HECW2: variants seen among roughly 807,000 people sequenced by gnomAD.
HECW2 encodes HECT, C2 and WW domain containing E3 ubiquitin protein ligase 2, also known as E3 ubiquitin-protein ligase HECW2.
Under a neutral mutation model 175.2 loss-of-function variants are expected in HECW2, and 61 were observed. The observed-to-expected ratio is 0.35, with a 90% confidence interval of 0.28 to 0.43. HECW2 has a LOEUF of 0.43. Ranked by LOEUF, HECW2 falls within the 20% of genes least tolerant of loss-of-function variation. The pLI, the probability that HECW2 is intolerant of heterozygous loss-of-function variation, is 1.00. For missense variants in HECW2, 1,524 were observed against 2,000.5 expected, an observed-to-expected ratio of 0.76 and a Z score of 4.54; for synonymous variants, 671 against 731.0, an observed-to-expected ratio of 0.92 and a Z score of 1.32.
At chr2:196,524,898 TA>T in intron 1 of HECW2, among the ~76,000 whole-genome samples, 1 of 130,952 alleles carries the variant, frequency 7.6e-6, no homozygotes, top group Non-Finnish European at 1.6e-5. Context: ...TACTTCCAAG[TA>T]TGTGGTCAAT....
At chr2:196,485,764 C>T (rs1686980028) in intron 1 of HECW2, among the ~76,000 whole-genome samples, 1 of 151,992 alleles carries the variant, frequency 6.6e-6, no homozygotes, top group Admixed American at 6.6e-5. Context: ...GATGTATCAC[C>T]ATAAAAGCCA....
At chr2:196,388,996 G>A (rs1267747357) in intron 2 of HECW2, among the ~76,000 whole-genome samples, 1 of 152,156 alleles carries the variant, frequency 6.6e-6, no homozygotes, top group Non-Finnish European at 1.5e-5. Flanking sequence ...GTCTCTACAG[G>A]ATAGCCTTTA....
At chr2:196,300,164 C>T (rs1690989751) in intron 13 of HECW2, among the ~76,000 whole-genome samples, 1 of 32,226 alleles carries the variant, frequency 3.1e-5, no homozygotes, top group South Asian at 1.1e-3. Flanking sequence ...GTTCTGTAGG[C>T]TGTCTAGACT....
intron 2 of HECW2, among the ~76,000 whole-genome samples, chr2:196,432,538 T>C (rs753989561): frequency 6.6e-6 from 1 of 152,218 alleles, no homozygotes; most frequent in Non-Finnish European, 1.5e-5. Context: ...AAGCGTAAAT[T>C]AGCTAAACAG....
chr2:196,521,572 G>A (rs529725488), intron 1 of HECW2, among the ~76,000 whole-genome samples: 3 of 149,300 alleles, frequency 2.0e-5, no homozygotes, highest in South Asian at 4.2e-4. Flanking sequence ...ATGCTGGTGC[G>A]CTGCACCCAC....
In HECW2 at chr2:196,254,001, C is replaced by T. The variant is rs1278858255; in HGVS notation, c.3448G>A (p.Val1150Met). The change falls in exon 19 of 29, where the codon GTG becomes ATG. Residue 1150 changes from valine (V) to methionine (M), a missense_variant. By Grantham distance (21) the Val-to-Met change is conservative. Around this residue, in one of 11 missense-constraint regions of HECW2, gnomAD observed 291 missense variants for 412.2 expected, o/e 0.71. Coordinates refer to ENST00000644978, the MANE Select transcript of HECW2 (RefSeq NM_001348768.2). Reference protein sequence around the residue: ...SLFEEEIMSYVPPHALLHPSY... With the variant: ...SLFEEEIMSYMPPHALLHPSY... ...GGGTGGAGTAAGGCATGTGGAGGCA[C>T]ATACGACATTATCTCTTCTTCAAAT... is the stretch of plus-strand genomic sequence containing the variant. 3.7e-6 allele frequency: 6 copies of T among 1,613,936 alleles called. No individual in the cohort carries two copies. Among genetic ancestry groups the T allele is most frequent in the South Asian group, 1.1e-5 (1 of 91,076 alleles).
At chr2:196,523,889 T>C (rs1575634358) in intron 1 of HECW2, among the ~76,000 whole-genome samples, 1 of 152,294 alleles carries the variant, frequency 6.6e-6, no homozygotes, top group Non-Finnish European at 1.5e-5. Flanking sequence ...AGTATTTTAT[T>C]GAGGATTTCT....
In HECW2 at chr2:196,307,963, T is replaced by G; in HGVS notation, c.2557A>C (p.Ile853Leu). ...APQVLQRSNS[I>L]QQMEQLNRRY... ...CGGTTCAGCTGCTCCATTTGCTGTA[T>G]GGAGTTAGATCTCTGCAGCACCTGC... is the stretch of plus-strand genomic sequence containing the variant. Residue 853 changes from isoleucine to leucine, a missense_variant, in exon 11 of 29, where the codon ATA becomes CTA. Transcript: ENST00000644978. The G allele has an allele frequency of 6.3e-7, 1 of 1,579,462 alleles. No individual in the cohort carries two copies. Among genetic ancestry groups the G allele is most frequent in the Non-Finnish European group, 8.6e-7 (1 of 1,156,284 alleles).
chr2:196,456,793 A>G (rs1383915642), intron 1 of HECW2, among the ~76,000 whole-genome samples: 5 of 152,200 alleles, frequency 3.3e-5, no homozygotes, highest in Non-Finnish European at 7.3e-5. Context: ...AGGGAAATTG[A>G]TCAAGCAAAA....
intron 2 of HECW2, among the ~76,000 whole-genome samples, chr2:196,432,062 T>C (rs1695728778): frequency 6.6e-6 from 1 of 152,234 alleles, no homozygotes; most frequent in East Asian, 1.9e-4. Flanking sequence ...GGAGGGAGGC[T>C]GTCCTTTACA....
chr2:196,246,692 G>A (rs1688659192), intron 19 of HECW2, among the ~76,000 whole-genome samples: 2 of 151,952 alleles, frequency 1.3e-5, no homozygotes, highest in South Asian at 4.1e-4. Flanking sequence ...GCCCTGCCAA[G>A]AAACATGTTT....
At chr2:196,434,357 T>A (rs1217126315) in intron 1 of HECW2, among the ~76,000 whole-genome samples, 1 of 152,174 alleles carries the variant, frequency 6.6e-6, no homozygotes, top group East Asian at 1.9e-4. Context: ...TGGTCCACAT[T>A]ATTTGGGCCA....
chr2:196,316,373 C>T (rs936653595), intron 10 of HECW2: 4 of 152,158 alleles, frequency 2.6e-5, no homozygotes, highest in African/African-American at 9.7e-5. Flanking sequence ...TCTTTATGTT[C>T]CACCATTTTT....
intron 2 of HECW2, among the ~76,000 whole-genome samples, chr2:196,427,775 T>C (rs1177232218): frequency 3.3e-5 from 5 of 152,158 alleles, no homozygotes; most frequent in South Asian, 2.1e-4. Context: ...TGTGATCATC[T>C]CTAGAAATCT....
intron 14 of HECW2, among the ~76,000 whole-genome samples, chr2:196,284,889 A>C (rs1246161999): frequency 6.6e-6 from 1 of 152,216 alleles, no homozygotes; most frequent in African/African-American, 2.4e-5. Flanking sequence ...GATCCTTTTC[A>C]CATTGGCTAC....
intron 15 of HECW2, among the ~76,000 whole-genome samples, chr2:196,278,151 T>TATATATATATATATATAA (rs1575345004): frequency 8.2e-6 from 1 of 121,392 alleles, no homozygotes; most frequent in African/African-American, 2.7e-5. Flanking sequence ...TATATATATA[T>TATATATATATATATATAA]AAAGAAATTC....
intron 1 of HECW2, among the ~76,000 whole-genome samples, chr2:196,573,148 G>C (rs1309722296): frequency 6.6e-6 from 1 of 151,814 alleles, no homozygotes; most frequent in Non-Finnish European, 1.5e-5. Flanking sequence ...GAGAGTGGCA[G>C]GCAGTTTTAT....
intron 1 of HECW2, among the ~76,000 whole-genome samples, chr2:196,573,249 A>C (rs1243826170): frequency 7.4e-5 from 9 of 121,126 alleles, no homozygotes; most frequent in Non-Finnish European, 1.1e-4. Context: ...AATGCTGACC[A>C]AAAAAAAAAA....
intron 2 of HECW2, among the ~76,000 whole-genome samples, chr2:196,367,049 T>C (rs1693763007): frequency 6.6e-6 from 1 of 152,224 alleles, no homozygotes; most frequent in African/African-American, 2.4e-5. Flanking sequence ...ATGCTTTGCA[T>C]ATAGCAATGA....
Sources: allele counts gnomAD v4.1 joint callset (sites outside exome capture counted in the v4.1 genomes callset), GRCh38; gene constraint gnomAD v4.1.1; regional missense constraint gnomAD v4.1.1; transcripts MANE v1.5; gene names NCBI Gene and HGNC (gene_info 2026-07-23, HGNC 2026-07-21).